Variants in EVA1A observed in about 807,000 individuals in gnomAD.
EVA1A encodes the protein eva-1 homolog A, regulator of programmed cell death, also known as protein eva-1 homolog A.
EVA1A carries 7 observed loss-of-function variants against 9.8 expected under a neutral mutation model. The observed-to-expected ratio is 0.71, with a 90% CI of 0.41 to 1.34. The LOEUF is 1.34. Ranked by LOEUF, EVA1A falls within the 40% of genes most tolerant of loss-of-function variation. The pLI is 0.01. For missense variants in EVA1A, 206 were observed against 205.9 expected (o/e 1.00, Z 0.00); for synonymous variants, 90 against 85.6 (o/e 1.05, Z -0.28).
At chr2:75,528,428 T>C (rs1225589099) in intron 1 of EVA1A, among the ~76,000 whole-genome samples, 2 of 152,172 alleles carry the variant, frequency 1.3e-5, no homozygotes, top group Non-Finnish European at 2.9e-5. Context: ...TTCAGCTCTG[T>C]TGGCTGTTGG....
At chr2:75,561,225 C>G (rs1249419214), upstream of EVA1A, 2 of 152,306 alleles carry the variant, frequency 1.3e-5, no homozygotes, top group Middle Eastern at 3.2e-3. Context: ...GGCTTTCCCC[C>G]TGCTGGGACG....
chr2:75,551,349 C>T (rs1676516548), intron 1 of EVA1A, among the ~76,000 whole-genome samples: 2 of 152,110 alleles, frequency 1.3e-5, no homozygotes. Context: ...TGTTAGACTC[C>T]TCTCACCAAG....
chr2:75,520,579 A>G (rs1206824890), intron 2 of EVA1A, among the ~76,000 whole-genome samples: 2 of 152,160 alleles, frequency 1.3e-5, no homozygotes, highest in African/African-American at 4.8e-5. Context: ...CAAGGGTGCC[A>G]AGACCATTCA....
In EVA1A at chr2:75,492,541, AAT is replaced by A. The variant is rs994609459; in HGVS notation, c.*693_*694del. On this transcript the variant is annotated 3_prime_UTR_variant, in exon 4 of 4. Transcript: ENST00000393913. ...TGCAGCATTTTCAAATATGCATGTCAATATATATTTTATAAACTATTTAAAAT... is the reference window on the plus strand; with the variant it reads ...TGCAGCATTTTCAAATATGCATGTCAATATATTTTATAAACTATTTAAAAT... 1.3e-5 allele frequency: 2 copies of A among 152,644 alleles called. No individual in the cohort carries two copies. Among genetic ancestry groups the A allele is most frequent in the African/African-American group, 2.4e-5 (1 of 41,450 alleles). 9.5% of individuals were successfully genotyped at this position (152,644 alleles called of 1,614,324 possible).
intron 1 of EVA1A, among the ~76,000 whole-genome samples, chr2:75,552,369 C>T (rs542420755): frequency 5.6e-4 from 85 of 152,160 alleles, no homozygotes; most frequent in Non-Finnish European, 1.0e-3. Flanking sequence ...TGTCCCTTCT[C>T]TCTCCTAATG....
chr2:75,542,729 G>A (rs1169958990), intron 1 of EVA1A: 1 of 152,218 alleles, frequency 6.6e-6, no homozygotes, highest in Non-Finnish European at 1.5e-5. Context: ...TGGGTGATAA[G>A]GTCTTTGAAA....
intron 1 of EVA1A, among the ~76,000 whole-genome samples, chr2:75,567,835 A>T (rs1320589622): frequency 6.6e-6 from 1 of 152,158 alleles, no homozygotes; most frequent in Non-Finnish European, 1.5e-5. Flanking sequence ...AACACATCTG[A>T]TGGAGTTTGG....
At position 75,503,973 on chromosome 2, in the gene EVA1A, T is replaced by C. The variant is rs560554833; in HGVS notation, c.86-10364A>G. 1.0e-3 allele frequency among the ~76,000 whole-genome samples: 159 copies of C among 152,240 alleles called. 3 individuals are homozygous for C. The highest frequency in any genetic ancestry group is 3.7e-3 in the African/African-American group (155 of 41,548). On this transcript the variant is annotated intron_variant, in intron 3 of 3. Transcript: ENST00000393913. ...ACATGTAACAAAATTTCACGTGTGC[T>C]CCATAAATTTTCATTAATAAAAAAC...
At chr2:75,522,065 G>T (rs1675250239) in intron 2 of EVA1A, among the ~76,000 whole-genome samples, 1 of 152,044 alleles carries the variant, frequency 6.6e-6, no homozygotes, top group Non-Finnish European at 1.5e-5. Flanking sequence ...TTTAAAAATT[G>T]GATTGTAAAT....
intron 3 of EVA1A, among the ~76,000 whole-genome samples, chr2:75,496,713 G>A (rs762220316): frequency 6.6e-5 from 10 of 152,238 alleles, no homozygotes; most frequent in Non-Finnish European, 7.4e-5. Flanking sequence ...CCAAAAGAGC[G>A]TTCAAATAGC....
intron 1 of EVA1A, among the ~76,000 whole-genome samples, chr2:75,530,514 C>T (rs530137530): frequency 1.3e-5 from 2 of 152,086 alleles, no homozygotes; most frequent in Non-Finnish European, 2.9e-5. Flanking sequence ...AAAATACTAG[C>T]TAACTGAATC....
intron 1 of EVA1A, among the ~76,000 whole-genome samples, chr2:75,558,112 G>A (rs1016577701): frequency 2.0e-5 from 3 of 152,160 alleles, no homozygotes; most frequent in Non-Finnish European, 2.9e-5. Context: ...TGGAAAAAAG[G>A]GCAATACCAG....
chr2:75,555,336 T>TCTCTCTCC lies in EVA1A; in HGVS notation c.-192+5343_-192+5344insGGAGAGAG, dbSNP rs766586263. 1.3e-3 allele frequency among the ~76,000 whole-genome samples: 131 copies of TCTCTCTCC among 102,584 alleles called. 3 individuals carry two copies. Among genetic ancestry groups the TCTCTCTCC allele is most frequent in the South Asian group, 2.6e-3 (7 of 2,680 alleles). The allele number at this position is 102,584 out of a possible 152,430, so 67.3% of individuals were successfully genotyped here. ...CTCTCTCTCTCTCTCTCTCTCTCTC[T>TCTCTCTCC]CCCCCATCTCCCCTTCTTTCCCTCT... On this transcript the variant is annotated intron_variant, in intron 1 of 3. Coordinates refer to ENST00000393913, the MANE Select transcript of EVA1A (RefSeq NM_001135032.2).
intron 1 of EVA1A, among the ~76,000 whole-genome samples, chr2:75,523,123 A>T (rs1675290111): frequency 1.3e-5 from 2 of 152,196 alleles, no homozygotes. Flanking sequence ...GTGCACACTC[A>T]TTCATTCGTC....
chr2:75,549,008 ATTTT>A (rs10552575), intron 1 of EVA1A, among the ~76,000 whole-genome samples: 5,484 of 85,278 alleles, frequency 0.064, 347 homozygotes, highest in African/African-American at 0.18. Flanking sequence ...ATATATATAT[ATTTT>A]TTTTTTTTTT....
At chr2:75,530,055 G>A (rs1246526864) in intron 1 of EVA1A, among the ~76,000 whole-genome samples, 1 of 152,086 alleles carries the variant, frequency 6.6e-6, no homozygotes, top group Non-Finnish European at 1.5e-5. Context: ...AGTTGGAAAA[G>A]AAACAGGAGA....
At chr2:75,531,934 C>T (rs1675667424) in intron 1 of EVA1A, among the ~76,000 whole-genome samples, 1 of 152,056 alleles carries the variant, frequency 6.6e-6, no homozygotes, top group Non-Finnish European at 1.5e-5. Flanking sequence ...CCAAGGCGGG[C>T]AGATCACGAG....
At chr2:75,520,092 A>G (rs967618599) in intron 2 of EVA1A, among the ~76,000 whole-genome samples, 6 of 152,264 alleles carry the variant, frequency 3.9e-5, no homozygotes, top group Middle Eastern at 3.4e-3. Flanking sequence ...CTCCTATCCA[A>G]GCTGACAGTC....
chr2:75,518,056 C>A lies in EVA1A; in HGVS notation c.85G>T (p.Glu29Ter), dbSNP rs1367761910. The A allele has an allele frequency of 6.2e-7, 1 of 1,613,922 alleles. No homozygotes were observed. The highest frequency in any genetic ancestry group is 8.5e-7 in the Non-Finnish European group (1 of 1,179,982). Reference sequence around the variant, plus strand: ...GGCCCAGTGGAAACCAGGCACCTACCTGAGACAAAGGAATAGGCCGCTAGG... The same window carrying A: ...GGCCCAGTGGAAACCAGGCACCTACATGAGACAAAGGAATAGGCCGCTAGG... ...NILAAYSFVS[E>*]NPERAALYFV... Residue 29 changes from glutamate to a stop codon, truncating the protein, a stop_gained and splice_region_variant, in exon 3 of 4, where the codon GAA (glutamate) becomes TAA (stop). Transcript: ENST00000393913. LOFTEE classifies it high-confidence loss of function.
Sources: gnomAD v4.1 joint callset for allele counts (sites outside exome capture counted in the v4.1 genomes callset) on GRCh38, gnomAD v4.1.1 for gene constraint, MANE v1.5 for transcripts, NCBI Gene and HGNC (gene_info 2026-07-23, HGNC 2026-07-21) for gene names.